GMDS: variants seen among roughly 807,000 people sequenced by gnomAD.
GMDS encodes GDP-mannose 4,6-dehydratase, also known as GDP-mannose 4,6 dehydratase.
GMDS carries 20 observed loss-of-function variants against 49.9 expected under a neutral mutation model. That is an observed-to-expected ratio of 0.40 (90% CI 0.28 to 0.58). The LOEUF (loss-of-function observed/expected upper bound fraction) is 0.58. GMDS is among the 20% of genes least tolerant of loss of function. The pLI is 0.42. For synonymous variants in GMDS, 177 were observed against 178.6 expected, an observed-to-expected ratio of 0.99 and a Z score of 0.07; for missense variants, 362 against 481.4, an observed-to-expected ratio of 0.75 and a Z score of 2.32.
chr6:1,959,324 G>A (rs1440733748), intron 6 of GMDS, among the ~76,000 whole-genome samples: 1 of 152,022 alleles, frequency 6.6e-6, no homozygotes, highest in African/African-American at 2.4e-5. Context: ...ACATTACTAT[G>A]TACTCCATAA....
intron 7 of GMDS, among the ~76,000 whole-genome samples, chr6:1,849,069 C>A (rs914160492): frequency 6.6e-6 from 1 of 152,136 alleles, no homozygotes; most frequent in Non-Finnish European, 1.5e-5. Flanking sequence ...GCTAAAACTC[C>A]CCTGGGGGAC....
At chr6:2,006,529 T>A (rs1396141974) in intron 4 of GMDS, among the ~76,000 whole-genome samples, 1 of 152,182 alleles carries the variant, frequency 6.6e-6, no homozygotes, top group Admixed American at 6.5e-5. Context: ...CTGCTCATAA[T>A]TACTATGCAT....
intron 7 of GMDS, among the ~76,000 whole-genome samples, chr6:1,762,456 C>T (rs115590263): frequency 2.6e-5 from 4 of 152,328 alleles, no homozygotes; most frequent in East Asian, 1.9e-4. Flanking sequence ...GCTCGCACGG[C>T]GAGCAACCCG....
chr6:2,016,904 G>A (rs1489828329), intron 4 of GMDS, among the ~76,000 whole-genome samples: 4 of 152,054 alleles, frequency 2.6e-5, no homozygotes, highest in African/African-American at 9.7e-5. Context: ...GTCAGCAAAG[G>A]CAGTGCTGGG....
At chr6:2,131,492 A>G (rs910015024) in intron 1 of GMDS, among the ~76,000 whole-genome samples, 3 of 152,174 alleles carry the variant, frequency 2.0e-5, no homozygotes, top group Non-Finnish European at 4.4e-5. Flanking sequence ...CTTCAACTCT[A>G]TGATGGTATG....
chr6:1,652,416 TA>T (rs1344614042), intron 9 of GMDS, among the ~76,000 whole-genome samples: 492 of 22,148 alleles, frequency 0.022, 153 homozygotes, highest in African/African-American at 0.071. Context: ...ATATTATATA[TA>T]ATATATATAT....
intron 7 of GMDS, among the ~76,000 whole-genome samples, chr6:1,803,760 T>C (rs1770049069): frequency 6.6e-6 from 1 of 152,058 alleles, no homozygotes; most frequent in Non-Finnish European, 1.5e-5. Context: ...GTTAACAAGA[T>C]TGTTTGGGCC....
chr6:2,020,085 T>C (rs1200316229), intron 4 of GMDS, among the ~76,000 whole-genome samples: 2 of 152,226 alleles, frequency 1.3e-5, no homozygotes, highest in African/African-American at 4.8e-5. Flanking sequence ...TGAAACCATA[T>C]GTTTAACCTA....
intron 4 of GMDS, among the ~76,000 whole-genome samples, chr6:2,044,313 A>G (rs1393216275): frequency 3.3e-5 from 5 of 152,196 alleles, no homozygotes; most frequent in African/African-American, 4.8e-5. Context: ...ATCAACCTAA[A>G]TGTCCATCAA....
chr6:1,848,560 G>T (rs1195396346), intron 7 of GMDS, among the ~76,000 whole-genome samples: 1 of 152,076 alleles, frequency 6.6e-6, no homozygotes, highest in Non-Finnish European at 1.5e-5. Flanking sequence ...GTTTTGTTTT[G>T]TTTCTAAGTG....
Position 1,960,923 on chromosome 6 carries a change from ACTC to A in GMDS, c.386_388del (p.Gly129del). The A allele has an allele frequency of 1.3e-6, 2 of 1,596,838 alleles. No individual in the cohort carries two copies. Among genetic ancestry groups the A allele is most frequent in the Non-Finnish European group, 1.7e-6 (2 of 1,166,732 alleles). On this transcript the variant is annotated inframe_deletion, in exon 5 of 11. Coordinates refer to ENST00000380815, the MANE Select transcript of GMDS (RefSeq NM_001500.4). The stretch of plus-strand genomic sequence containing the variant: ...TGCATCTAGAAGTCGTAGAGTGCCA[ACTC>A]CGTCAACGTCCGCAGTGTACTCAGC...
At chr6:1,883,523 G>A (rs1466864858) in intron 7 of GMDS, among the ~76,000 whole-genome samples, 1 of 151,882 alleles carries the variant, frequency 6.6e-6, no homozygotes, top group Admixed American at 6.6e-5. Flanking sequence ...TGAATAAAAA[G>A]AACCTTCCAC....
intron 9 of GMDS, among the ~76,000 whole-genome samples, chr6:1,723,550 C>T (rs1308094001): frequency 6.6e-6 from 1 of 150,616 alleles, no homozygotes; most frequent in East Asian, 1.9e-4. Context: ...AGGATGGTCT[C>T]GATCTCCTGA....
At chr6:1,962,638 T>C (rs1007950026) in intron 4 of GMDS, among the ~76,000 whole-genome samples, 11 of 152,200 alleles carry the variant, frequency 7.2e-5, no homozygotes, top group African/African-American at 2.4e-4. Context: ...TAATAAATAA[T>C]GTTCAGCATC....
At chr6:1,986,975 C>T (rs1296508816) in intron 4 of GMDS, among the ~76,000 whole-genome samples, 6 of 152,166 alleles carry the variant, frequency 3.9e-5, no homozygotes, top group Non-Finnish European at 8.8e-5. Context: ...CTTTATTTCA[C>T]ACTGCAAAAG....
At chr6:1,728,531 A>G (rs746131329) in intron 8 of GMDS, among the ~76,000 whole-genome samples, 3 of 152,186 alleles carry the variant, frequency 2.0e-5, no homozygotes, top group East Asian at 1.9e-4. Context: ...CTGTTCTTCC[A>G]CTGGTAAATC....
intron 9 of GMDS, among the ~76,000 whole-genome samples, chr6:1,691,800 T>C (rs1765183031): frequency 6.6e-6 from 1 of 152,238 alleles, no homozygotes; most frequent in Non-Finnish European, 1.5e-5. Flanking sequence ...TTAACATTTT[T>C]GTTTATCACT....
intron 4 of GMDS, among the ~76,000 whole-genome samples, chr6:1,970,682 T>G (rs903170834): frequency 3.3e-5 from 5 of 151,978 alleles, no homozygotes; most frequent in African/African-American, 1.2e-4. Flanking sequence ...AAAGGCATCC[T>G]GAGATGGTTA....
chr6:2,087,066 G>T (rs1411054976), intron 4 of GMDS, among the ~76,000 whole-genome samples: 2 of 152,108 alleles, frequency 1.3e-5, no homozygotes, highest in Non-Finnish European at 2.9e-5. Context: ...GGATATGAGT[G>T]CCTTCACCTC....
Sources: gnomAD v4.1 joint callset for allele counts (sites outside exome capture counted in the v4.1 genomes callset) on GRCh38, gnomAD v4.1.1 for gene constraint, MANE v1.5 for transcripts, NCBI Gene and HGNC (gene_info 2026-07-23, HGNC 2026-07-21) for gene names.